The following TTC39A variants were observed in gnomAD, a reference collection of about 807,000 sequenced individuals.
The protein encoded by TTC39A is tetratricopeptide repeat protein 39A.
In TTC39A, 46 loss-of-function variants were observed where a neutral mutation model predicts 82.3. The observed-to-expected ratio is 0.56, with a 90% CI of 0.44 to 0.71. The LOEUF is 0.71. TTC39A is among the 30% of genes least tolerant of loss of function. The probability of loss-of-function intolerance (pLI) is 0.00; values close to 1 mark genes in which losing one functional copy is unlikely to be tolerated. For missense variants in TTC39A, 543 were observed against 712.9 expected (o/e 0.76, Z 2.71); for synonymous variants, 254 against 275.2 (o/e 0.92, Z 0.76).
intron 14 of TTC39A, among the ~76,000 whole-genome samples, chr1:51,291,805 CAAA>C: frequency 7.8e-6 from 1 of 128,132 alleles, no homozygotes; most frequent in Admixed American, 8.1e-5. Context: ...GATTCTATCT[CAAA>C]AAAAAAAAAA....
chr1:51,321,655 A>G lies in TTC39A; in HGVS notation c.146+66T>C. On this transcript the variant is annotated intron_variant, in intron 2 of 17. Transcript: ENST00000680483. This position sits in a 1 kb window ranked among gnomAD's most constrained non-coding sequence, Gnocchi z 4.6. ...TTTAGTTACACAGGGTTCCTCTCAT[A>G]CAAGACCTCTGGTTCTCCCTGACCG... 1 of 1,478,098 alleles carries G rather than the reference A, an allele frequency of 6.8e-7. No homozygotes were observed. Among genetic ancestry groups the G allele is most frequent in the Non-Finnish European group, 9.3e-7 (1 of 1,070,342 alleles). The allele number at this position is 1,478,098 out of a possible 1,614,324, so 91.6% of individuals were successfully genotyped here. A position where few individuals can be genotyped will look rare whatever the true frequency, so the allele number is the denominator to read the frequency against.
Position 51,290,114 on chromosome 1 carries a change from C to T in TTC39A, c.1384G>A (p.Glu462Lys), listed in dbSNP as rs764290856. Residue 462 changes from glutamate (E) to lysine (K), a missense_variant, in exon 16 of 18, where the codon GAG (glutamate) becomes AAG (lysine). Physicochemically the swap from Glu to Lys is moderately conservative, Grantham distance 56 (BLOSUM62 1). Coordinates refer to ENST00000680483, the MANE Select transcript of TTC39A (RefSeq NM_001297663.2). ...EEMLEKGPEN[E>K]YSVDDECLVK... Reference sequence around the variant, plus strand: ...AAGCACTCGTCATCCACTGAGTACTCGTTCTCTGAAAATAGGGATGTGAGG... The same window carrying T: ...AAGCACTCGTCATCCACTGAGTACTTGTTCTCTGAAAATAGGGATGTGAGG... 2.7e-5 allele frequency: 43 copies of T among 1,612,776 alleles called. No individual in the cohort carries two copies. The East Asian group carries it at 6.0e-4, about 23-fold the overall frequency.
chr1:51,290,747 C>T lies in TTC39A; in HGVS notation c.1267-122G>A, dbSNP rs1421267248. ...AAAGGACCTTCTAGCTCTAATCATC[C>T]ATGACAGGTCTCAGTCAGCCTGTGA... On this transcript the variant is annotated intron_variant, in intron 14 of 17. Coordinates refer to ENST00000680483, the MANE Select transcript of TTC39A (RefSeq NM_001297663.2). 5 of 716,590 alleles carry T rather than the reference C, an allele frequency of 7.0e-6. No individual in the cohort carries two copies. The African/African-American group carries it at 7.1e-5, about 10-fold the overall frequency. 44.4% of individuals were successfully genotyped at this position (716,590 alleles called of 1,614,324 possible).
intron 2 of TTC39A, among the ~76,000 whole-genome samples, chr1:51,316,228 A>G (rs1283926665): frequency 6.6e-6 from 1 of 152,192 alleles, no homozygotes; most frequent in Admixed American, 6.5e-5. Flanking sequence ...TGAACCAGTG[A>G]CAGGTGCCCA....
intron 11 of TTC39A, 186 bp downstream of exon 11, chr1:51,302,171 C>G (rs1644686338): frequency 1.3e-6 from 1 of 785,496 alleles, no homozygotes; most frequent in African/African-American, 1.7e-5. Flanking sequence ...CCTCCTCCTC[C>G]CTTGTCTTCC....
chr1:51,321,942 C>A lies in TTC39A; in HGVS notation c.42-117G>T. 1 of 1,321,822 alleles carries A rather than the reference C, an allele frequency of 7.6e-7. No homozygotes were observed. The highest frequency in any genetic ancestry group is 1.1e-6 in the Non-Finnish European group (1 of 951,652). The allele number at this position is 1,321,822 out of a possible 1,614,324, so 81.9% of individuals were successfully genotyped here. A position where few individuals can be genotyped will look rare whatever the true frequency, so the allele number is the denominator to read the frequency against. On this transcript the variant is annotated intron_variant, in intron 1 of 17. Coordinates refer to ENST00000680483, the MANE Select transcript of TTC39A (RefSeq NM_001297663.2). The surrounding 1 kb of genome is among the most constrained non-coding windows in gnomAD (Gnocchi z 4.6). ...TCCCTGGCCAGCCTTGGGTGCCTGT[C>A]ACGAGCTCCTCCAGGCTGCCACTCT...
chr1:51,332,218 C>T (rs755259877), upstream of TTC39A, among the ~76,000 whole-genome samples: 15 of 152,282 alleles, frequency 9.9e-5, no homozygotes, highest in Middle Eastern at 3.4e-3. Flanking sequence ...TTTGAAAATC[C>T]GAAATCCAGA....
In TTC39A at chr1:51,312,145, C is replaced by G. The variant is rs375908904; in HGVS notation, c.329G>C (p.Arg110Pro). Residue 110 changes from arginine to proline, a missense_variant, in exon 4 of 18, where the codon CGC (arginine) becomes CCC (proline). Transcript: ENST00000680483. ...TTCAGTGAATTGGCCCAGCGTGGGG[C>G]GGTTCACCAGGCTGCTGAAGGAATC... Reference protein sequence around the residue: ...VTDSFSSLVNRPTLGQFTEEE... With the variant: ...VTDSFSSLVNPPTLGQFTEEE... 1.9e-6 allele frequency: 3 copies of G among 1,611,560 alleles called. No homozygotes were observed. In the East Asian group the frequency reaches 6.7e-5, roughly 36 times the overall value.
intron 2 of TTC39A, among the ~76,000 whole-genome samples, chr1:51,313,702 G>T (rs1645175135): frequency 6.6e-6 from 1 of 152,120 alleles, no homozygotes; most frequent in Non-Finnish European, 1.5e-5. Context: ...CCCTCAGATT[G>T]CAATGCCCTT....
At chr1:51,315,698 T>C (rs1448185700) in intron 2 of TTC39A, among the ~76,000 whole-genome samples, 3 of 152,200 alleles carry the variant, frequency 2.0e-5, no homozygotes, top group African/African-American at 7.2e-5. Flanking sequence ...CCTCAGCTCC[T>C]CCCACTCCAG....
intron 1 of TTC39A, among the ~76,000 whole-genome samples, chr1:51,343,425 G>A (rs1435379962): frequency 6.6e-6 from 1 of 152,110 alleles, no homozygotes; most frequent in Admixed American, 6.5e-5. Context: ...CTGCTTCCTG[G>A]GTCTCAGTGA....
At chr1:51,312,348 C>G (rs1012940409) in intron 3 of TTC39A, among the ~76,000 whole-genome samples, 153 bp from the exon 4 acceptor site, 3 of 152,160 alleles carry the variant, frequency 2.0e-5, no homozygotes, top group Admixed American at 2.0e-4. Flanking sequence ...GTTTGATATT[C>G]TGGCAAAAAA....
intron 12 of TTC39A, chr1:51,298,202 C>T (rs1355208570): frequency 1.3e-5 from 2 of 152,328 alleles, no homozygotes; most frequent in Non-Finnish European, 2.9e-5. Context: ...TCTTTTCCTG[C>T]TCATGCTTGT....
intron 8 of TTC39A, among the ~76,000 whole-genome samples, chr1:51,304,858 G>A (rs1281671194): frequency 1.3e-5 from 2 of 152,198 alleles, no homozygotes; most frequent in African/African-American, 4.8e-5. Context: ...CACCCACCCA[G>A]AGCCTCTGCA....
intron 6 of TTC39A, among the ~76,000 whole-genome samples, chr1:51,306,853 A>ACCCCCCCCCCCCCC (rs3068549): frequency 1.3e-3 from 76 of 60,180 alleles, no homozygotes; most frequent in Non-Finnish European, 1.6e-3. Context: ...TAAGGGACAG[A>ACCCCCCCCCCCCCC]CCCCCCCCCC....
At chr1:51,344,827 G>T (rs1646077296) in intron 1 of TTC39A, among the ~76,000 whole-genome samples, 1 of 152,202 alleles carries the variant, frequency 6.6e-6, no homozygotes, top group Admixed American at 6.5e-5. Context: ...CAGGGGGCGC[G>T]CGGCGCTGCC....
chr1:51,338,633 T>C (rs1178262256), intron 1 of TTC39A, among the ~76,000 whole-genome samples: 1 of 146,642 alleles, frequency 6.8e-6, no homozygotes. Context: ...AGACAGAGTC[T>C]TACTCTGTTG....
chr1:51,300,613 C>G (rs963338785), intron 12 of TTC39A: 1 of 152,192 alleles, frequency 6.6e-6, no homozygotes, highest in African/African-American at 2.4e-5. Flanking sequence ...GGTTGTAAGA[C>G]TCTTGGTTCC....
chr1:51,324,988 CT>C (rs1304533826), intron 1 of TTC39A, among the ~76,000 whole-genome samples: 1 of 152,030 alleles, frequency 6.6e-6, no homozygotes, highest in Non-Finnish European at 1.5e-5. Flanking sequence ...GGCATGGTGG[CT>C]CATGCCTGTA....
Sources: allele counts gnomAD v4.1 joint callset (sites outside exome capture counted in the v4.1 genomes callset), GRCh38; gene constraint gnomAD v4.1.1; non-coding constraint Gnocchi (gnomAD v3.1); transcripts MANE v1.5; gene names NCBI Gene and HGNC (gene_info 2026-07-23, HGNC 2026-07-21).